The following FAM83D variants were observed in gnomAD, a reference collection of about 807,000 sequenced individuals.
The protein encoded by FAM83D is scaffolding CK1 anchoring protein D.
FAM83D carries 26 observed loss-of-function variants against 25.4 expected under a neutral mutation model. The observed-to-expected ratio is 1.02, with a 90% confidence interval of 0.75 to 1.42. The LOEUF (loss-of-function observed/expected upper bound fraction) is 1.42, where lower values mean the gene tolerates loss of function less well. FAM83D is among the 40% of genes most tolerant of loss of function. FAM83D has a pLI of 0.00. For synonymous variants in FAM83D, 310 were observed against 318.5 expected, an observed-to-expected ratio of 0.97 and a Z score of 0.28; for missense variants, 740 against 758.1, an observed-to-expected ratio of 0.98 and a Z score of 0.28.
chr20:38,926,508 C>T lies in FAM83D; in HGVS notation c.66C>T (p.Pro22=). The T allele has an allele frequency of 6.3e-7, 1 of 1,595,652 alleles. No individual in the cohort carries two copies. Among genetic ancestry groups the T allele is most frequent in the Non-Finnish European group, 8.5e-7 (1 of 1,177,490 alleles). The change falls in exon 1 of 4, where the codon CCC becomes CCT. Residue 22 remains proline, a synonymous_variant. Coordinates refer to ENST00000619850, the MANE Select transcript of FAM83D (RefSeq NM_030919.3). The part of the protein sequence containing the change: ...PAACLSPCGP[P]NPTELFSESR... ...CCTGCCTGTCGCCGTGCGGGCCGCC[C>T]AACCCGACCGAGCTGTTCAGCGAGT...
chr20:38,926,514 G>T lies in FAM83D; in HGVS notation c.72G>T (p.Pro24=). 1 of 1,595,002 alleles carries T rather than the reference G, an allele frequency of 6.3e-7. No individual in the cohort carries two copies. Among genetic ancestry groups the T allele is most frequent in the Non-Finnish European group, 8.5e-7 (1 of 1,177,240 alleles). ...TGTCGCCGTGCGGGCCGCCCAACCCGACCGAGCTGTTCAGCGAGTCACGGC... is the reference window on the plus strand; with the variant it reads ...TGTCGCCGTGCGGGCCGCCCAACCCTACCGAGCTGTTCAGCGAGTCACGGC... ...ACLSPCGPPN[P]TELFSESRRL... The change falls in exon 1 of 4, where the codon CCG becomes CCT. Residue 24 remains proline (P), a synonymous_variant. Coordinates refer to ENST00000619850, the MANE Select transcript of FAM83D (RefSeq NM_030919.3).
At chr20:38,932,936 G>A (rs2085664306) in intron 1 of FAM83D, among the ~76,000 whole-genome samples, 1 of 152,198 alleles carries the variant, frequency 6.6e-6, no homozygotes, top group Non-Finnish European at 1.5e-5. Context: ...AGAGAGCCCT[G>A]CCAGGAGGAG....
At chr20:38,939,023 C>T (rs1282894597) in intron 1 of FAM83D, among the ~76,000 whole-genome samples, 1 of 152,200 alleles carries the variant, frequency 6.6e-6, no homozygotes, top group Non-Finnish European at 1.5e-5. Context: ...CCTTGGTTGG[C>T]ATTCAGGGCC....
intron 2 of FAM83D, among the ~76,000 whole-genome samples, chr20:38,947,111 A>G (rs1232851991): frequency 6.6e-6 from 1 of 152,254 alleles, no homozygotes; most frequent in East Asian, 1.9e-4. Flanking sequence ...CTAACGATAT[A>G]GAGCCACTGG....
chr20:38,936,180 G>A (rs2085678041), intron 1 of FAM83D, among the ~76,000 whole-genome samples: 1 of 152,156 alleles, frequency 6.6e-6, no homozygotes, highest in Non-Finnish European at 1.5e-5. Context: ...CAGTGAGAAG[G>A]GGTGATCGGT....
chr20:38,941,731 G>A (rs1015943646), intron 1 of FAM83D, among the ~76,000 whole-genome samples: 5 of 152,294 alleles, frequency 3.3e-5, no homozygotes, highest in East Asian at 1.9e-4. Flanking sequence ...GGAGTTGGGA[G>A]TGTTAGCTAG....
At chr20:38,935,466 A>G (rs1016567970) in intron 1 of FAM83D, among the ~76,000 whole-genome samples, 1 of 152,198 alleles carries the variant, frequency 6.6e-6, no homozygotes, top group African/African-American at 2.4e-5. Context: ...TGTTTGAGAC[A>G]AGTTCTCATT....
chr20:38,927,046 G>A, intron 1 of FAM83D, 121 bp downstream of exon 1: 4 of 1,380,726 alleles, frequency 2.9e-6, no homozygotes, highest in Non-Finnish European at 3.7e-6. Flanking sequence ...GGAAGCGCGC[G>A]CGGGCTAGGT....
At chr20:38,946,095 A>G (rs2085726641) in intron 2 of FAM83D, among the ~76,000 whole-genome samples, 1 of 150,182 alleles carries the variant, frequency 6.7e-6, no homozygotes, top group Admixed American at 6.7e-5. Context: ...CTGTAGTCTT[A>G]GCTACTCGGG....
chr20:38,931,339 A>C (rs1042130437), intron 1 of FAM83D, among the ~76,000 whole-genome samples: 1 of 152,250 alleles, frequency 6.6e-6, no homozygotes, highest in African/African-American at 2.4e-5. Context: ...AAGGTGGTTC[A>C]TGATGCCAGG....
intron 3 of FAM83D, among the ~76,000 whole-genome samples, chr20:38,949,650 C>G (rs182449845): frequency 1.3e-5 from 2 of 152,308 alleles, no homozygotes; most frequent in African/African-American, 2.4e-5. Context: ...AGCTAACTCT[C>G]AAACGTACTG....
intron 1 of FAM83D, among the ~76,000 whole-genome samples, chr20:38,927,998 G>T (rs544782957): frequency 1.8e-4 from 27 of 152,320 alleles, no homozygotes; most frequent in South Asian, 4.1e-4. Context: ...TGCAATGGAG[G>T]TCTTGTCTGC....
chr20:38,951,710 C>A lies in FAM83D; in HGVS notation c.948C>A (p.Asn316Lys). ...QSSNKFDHLT[N>K]RKPQSKELTL... The stretch of plus-strand genomic sequence containing the variant: ...GCAACAAGTTTGATCACCTCACCAA[C>A]CGAAAACCACAGTCCAAGGAGCTCA... Residue 316 changes from asparagine (N) to lysine (K), a missense_variant, in exon 4 of 4, where the codon AAC becomes AAA. Asn to Lys is a moderately conservative substitution (Grantham distance 94). Transcript: ENST00000619850. 6.2e-7 allele frequency: 1 copy of A among 1,614,220 alleles called. No homozygotes were observed. Among genetic ancestry groups the A allele is most frequent in the Non-Finnish European group, 8.5e-7 (1 of 1,180,038 alleles).
At chr20:38,941,550 G>A (rs1568697829) in intron 1 of FAM83D, among the ~76,000 whole-genome samples, 1 of 152,216 alleles carries the variant, frequency 6.6e-6, no homozygotes, top group African/African-American at 2.4e-5. Flanking sequence ...GCCTGGTGGG[G>A]AAAGCAACAA....
At chr20:38,936,746 C>T (rs1404831954) in intron 1 of FAM83D, among the ~76,000 whole-genome samples, 1 of 152,148 alleles carries the variant, frequency 6.6e-6, no homozygotes, top group Non-Finnish European at 1.5e-5. Context: ...TTGGCTTTCT[C>T]ATCTATAAAT....
chr20:38,930,674 A>G (rs2085655324), intron 1 of FAM83D, among the ~76,000 whole-genome samples: 1 of 149,132 alleles, frequency 6.7e-6, no homozygotes, highest in African/African-American at 2.5e-5. Flanking sequence ...TTGGAGACAG[A>G]GTTGCTCTTT....
intron 2 of FAM83D, among the ~76,000 whole-genome samples, chr20:38,945,762 G>A (rs1046153540): frequency 3.2e-4 from 3 of 9,276 alleles, no homozygotes; most frequent in Non-Finnish European, 4.5e-4. Flanking sequence ...CCCACCCCCC[G>A]TTTTTTTTTT....
intron 1 of FAM83D, among the ~76,000 whole-genome samples, chr20:38,929,733 A>G (rs1222159685): frequency 6.6e-6 from 1 of 151,464 alleles, no homozygotes; most frequent in Non-Finnish European, 1.5e-5. Context: ...CACTATGACT[A>G]CGCTGTGAAT....
intron 1 of FAM83D, among the ~76,000 whole-genome samples, chr20:38,928,964 G>A (rs1016096893): frequency 2.0e-5 from 3 of 151,942 alleles, no homozygotes; most frequent in Non-Finnish European, 4.4e-5. Flanking sequence ...AGATCACGAG[G>A]TCAGGAGTTC....
Sources: gnomAD v4.1 joint callset for allele counts (sites outside exome capture counted in the v4.1 genomes callset) on GRCh38, gnomAD v4.1.1 for gene constraint, MANE v1.5 for transcripts, NCBI Gene and HGNC (gene_info 2026-07-23, HGNC 2026-07-21) for gene names.